The following CNGB3 variants were observed in gnomAD, a reference collection of about 807,000 sequenced individuals.
CNGB3 encodes the protein cyclic nucleotide gated channel subunit beta 3.
A neutral mutation model predicts 92.8 loss-of-function variants in CNGB3; 86 were observed. The ratio of observed to expected loss-of-function variants is 0.93; its 90% confidence interval spans 0.78 to 1.11. The LOEUF is 1.11. Ranked by LOEUF, CNGB3 falls within the 50% of genes least tolerant of loss-of-function variation. CNGB3 has a pLI of 0.00. For missense variants in CNGB3, 1,026 were observed against 956.8 expected, an observed-to-expected ratio of 1.07 and a Z score of -0.95; for synonymous variants, 333 against 332.7, an observed-to-expected ratio of 1.00 and a Z score of -0.01.
At chr8:86,682,396 A>G (rs1428726373) in intron 3 of CNGB3, among the ~76,000 whole-genome samples, 1 of 152,214 alleles carries the variant, frequency 6.6e-6, no homozygotes, top group African/African-American at 2.4e-5. Flanking sequence ...CTTCTGACCA[A>G]TTAGGTCAGC....
intron 8 of CNGB3, among the ~76,000 whole-genome samples, chr8:86,647,165 TA>T (rs1395701422): frequency 6.6e-6 from 1 of 151,034 alleles, no homozygotes; most frequent in Non-Finnish European, 1.5e-5. Context: ...TATCAGTACA[TA>T]AAAAGCTTCC....
chr8:86,675,133 A>T (rs532778226), intron 3 of CNGB3, among the ~76,000 whole-genome samples: 2 of 152,024 alleles, frequency 1.3e-5, no homozygotes, highest in African/African-American at 4.8e-5. Context: ...TAATTTTTGT[A>T]TTTTTTAAAT....
At chr8:86,734,273 G>A (rs1825207786) in intron 2 of CNGB3, among the ~76,000 whole-genome samples, 1 of 152,118 alleles carries the variant, frequency 6.6e-6, no homozygotes, top group Non-Finnish European at 1.5e-5. Context: ...GAGATGATAG[G>A]GACCTGGGCA....
At chr8:86,702,073 A>C (rs1824568288) in intron 3 of CNGB3, among the ~76,000 whole-genome samples, 1 of 152,236 alleles carries the variant, frequency 6.6e-6, no homozygotes, top group Non-Finnish European at 1.5e-5. Context: ...GTTAATAAAC[A>C]CATTTAATAT....
intron 6 of CNGB3, chr8:86,657,733 G>A: frequency 2.1e-6 from 1 of 470,692 alleles, no homozygotes; most frequent in South Asian, 1.7e-5. Flanking sequence ...ACCAGCTCCT[G>A]CAGCTCCTGC....
At position 86,697,689 on chromosome 8, in the gene CNGB3, C is replaced by T. The variant is rs993415186; in HGVS notation, c.339-26591G>A. ...TAAGTTCTAGGGTACATGTGCACAA[C>T]GTGCAGGTTTGTTACATATGTATAC... is the stretch of plus-strand genomic sequence containing the variant. On this transcript the variant is annotated intron_variant, in intron 3 of 17. Coordinates refer to ENST00000320005, the MANE Select transcript of CNGB3 (RefSeq NM_019098.5). Among the ~76,000 whole-genome samples the T allele has an allele frequency of 5.3e-5, 8 of 152,104 alleles. No individual in the cohort carries two copies. In the South Asian group the frequency reaches 8.3e-4, roughly 16 times the overall value.
chr8:86,609,465 T>C (rs1822477826), intron 14 of CNGB3, among the ~76,000 whole-genome samples: 1 of 152,296 alleles, frequency 6.6e-6, no homozygotes, highest in Non-Finnish European at 1.5e-5. Flanking sequence ...TCTTCCATTT[T>C]CCCCCTTCAT....
chr8:86,603,219 T>C (rs569338026), intron 15 of CNGB3, among the ~76,000 whole-genome samples: 96 of 152,346 alleles, frequency 6.3e-4, no homozygotes, highest in Non-Finnish European at 1.2e-3. Context: ...ATTAACTATT[T>C]ATTATCAGTT....
At chr8:86,676,828 A>G (rs1282773073) in intron 3 of CNGB3, among the ~76,000 whole-genome samples, 1 of 152,188 alleles carries the variant, frequency 6.6e-6, no homozygotes, top group Non-Finnish European at 1.5e-5. Flanking sequence ...CTTTATAAGA[A>G]GCCTAAGTGC....
chr8:86,658,061 G>C (rs1480732490), intron 6 of CNGB3: 4 of 532,132 alleles, frequency 7.5e-6, no homozygotes, highest in African/African-American at 5.9e-5. Flanking sequence ...TGGCTCTGCA[G>C]CTTCTCCATG....
chr8:86,706,199 T>C (rs1258420152), intron 3 of CNGB3, among the ~76,000 whole-genome samples: 1 of 152,212 alleles, frequency 6.6e-6, no homozygotes, highest in Non-Finnish European at 1.5e-5. Flanking sequence ...AATGTGCTGA[T>C]GTAAGAACAG....
In CNGB3 at chr8:86,670,901, C is replaced by T. The variant is rs534850179; in HGVS notation, c.493+43G>A. On this transcript the variant is annotated intron_variant, in intron 4 of 17. Coordinates refer to ENST00000320005, the MANE Select transcript of CNGB3 (RefSeq NM_019098.5). ...AACATCTGCAAAACACAGGTCCCCT[C>T]AGCACTTCTTTCTTCCCAGTACTTG... 13 of 1,608,220 alleles carry T rather than the reference C, an allele frequency of 8.1e-6. No homozygotes were observed. In the South Asian group the frequency reaches 1.3e-4, roughly 16 times the overall value.
intron 3 of CNGB3, among the ~76,000 whole-genome samples, chr8:86,684,409 A>T (rs1391756514): frequency 6.6e-6 from 1 of 152,114 alleles, no homozygotes; most frequent in Non-Finnish European, 1.5e-5. Flanking sequence ...ATGTAAAATG[A>T]TGCAGTCACT....
intron 13 of CNGB3, among the ~76,000 whole-genome samples, chr8:86,618,684 T>C (rs1453133326): frequency 1.3e-5 from 2 of 152,220 alleles, no homozygotes; most frequent in South Asian, 2.1e-4. Flanking sequence ...TTTTTAAAAG[T>C]CTAGCAACAA....
intron 15 of CNGB3, among the ~76,000 whole-genome samples, chr8:86,590,907 T>G (rs1822017589): frequency 6.6e-6 from 1 of 151,592 alleles, no homozygotes. Context: ...ATTGGGGAAA[T>G]TCTCCTGGAT....
chr8:86,693,393 A>G (rs1824355753), intron 3 of CNGB3, among the ~76,000 whole-genome samples: 1 of 150,826 alleles, frequency 6.6e-6, no homozygotes, highest in African/African-American at 2.4e-5. Flanking sequence ...GTAATCTCAA[A>G]TTTATTGGAA....
intron 4 of CNGB3, among the ~76,000 whole-genome samples, chr8:86,670,229 T>A (rs555860675): frequency 1.3e-5 from 2 of 152,240 alleles, no homozygotes; most frequent in Non-Finnish European, 2.9e-5. Flanking sequence ...GGTTTGTTGA[T>A]GTCCTTTGCT....
intron 13 of CNGB3, 82 bp from the exon 14 acceptor site, chr8:86,611,753 C>T (rs1585968722): frequency 4.0e-6 from 4 of 988,238 alleles, no homozygotes; most frequent in African/African-American, 1.6e-5. Flanking sequence ...TGAAAATAAA[C>T]AGTAATATAT....
At chr8:86,613,150 C>G (rs1822551798) in intron 13 of CNGB3, among the ~76,000 whole-genome samples, 2 of 152,054 alleles carry the variant, frequency 1.3e-5, no homozygotes, top group African/African-American at 4.8e-5. Flanking sequence ...TGCACAAAGC[C>G]CCTTTTATGC....
Sources: gnomAD v4.1 joint callset for allele counts (sites outside exome capture counted in the v4.1 genomes callset) on GRCh38, gnomAD v4.1.1 for gene constraint, MANE v1.5 for transcripts, NCBI Gene and HGNC (gene_info 2026-07-23, HGNC 2026-07-21) for gene names.